Variants in CMTM4 observed in about 807,000 individuals in gnomAD.
CMTM4 encodes the protein CKLF-like MARVEL transmembrane domain-containing protein 4.
In CMTM4, 8 loss-of-function variants were observed where a neutral mutation model predicts 19.0. That is an observed-to-expected ratio of 0.42 (90% CI 0.25 to 0.76). The LOEUF is 0.76. Among genes scored for constraint, CMTM4 ranks in the 30% least tolerant of loss-of-function variants. The pLI is 0.27. For synonymous variants in CMTM4, 106 were observed against 121.1 expected (o/e 0.88, Z 0.82); for missense variants, 228 against 290.2 (o/e 0.79, Z 1.56).
chr16:66,602,020 T>C, the CMTM4 span, among the ~76,000 whole-genome samples: 1 of 152,338 alleles, frequency 6.6e-6, no homozygotes, highest in South Asian at 2.1e-4. Flanking sequence ...TGGGTGATGA[T>C]AGCAGCAGGT....
intron 1 of CMTM4, among the ~76,000 whole-genome samples, chr16:66,641,499 T>A (rs547387892): frequency 4.7e-4 from 72 of 152,346 alleles, no homozygotes; most frequent in African/African-American, 1.6e-3. Flanking sequence ...GCACTTCTTG[T>A]TTTTTATCAT....
At chr16:66,611,282 ATC>A, downstream of CMTM4, among the ~76,000 whole-genome samples, 1 of 152,178 alleles carries the variant, frequency 6.6e-6, no homozygotes, top group South Asian at 2.1e-4. Context: ...GTGAAACCCC[ATC>A]TCTACTAAAA....
At chr16:66,641,892 G>T (rs982072936) in intron 1 of CMTM4, among the ~76,000 whole-genome samples, 2 of 152,088 alleles carry the variant, frequency 1.3e-5, no homozygotes, top group African/African-American at 4.8e-5. Flanking sequence ...CTGCTAAATA[G>T]TGTTTCCACA....
At chr16:66,606,253 A>T in the CMTM4 span, among the ~76,000 whole-genome samples, 1 of 152,100 alleles carries the variant, frequency 6.6e-6, no homozygotes, top group African/African-American at 2.4e-5. Context: ...GATGGACAGA[A>T]ACAGAGAGAG....
intron 1 of CMTM4, among the ~76,000 whole-genome samples, chr16:66,691,040 C>A (rs2017125387): frequency 6.6e-6 from 1 of 152,096 alleles, no homozygotes; most frequent in Non-Finnish European, 1.5e-5. Context: ...TCCCTTGAGC[C>A]CAGAAGTTCG....
At chr16:66,612,279 G>C (rs543197950), downstream of CMTM4, among the ~76,000 whole-genome samples, 1 of 152,226 alleles carries the variant, frequency 6.6e-6, no homozygotes, top group South Asian at 2.1e-4. This position sits in a 1 kb window ranked among gnomAD's most constrained non-coding sequence, Gnocchi z 6.0. Flanking sequence ...GGTGGCACAC[G>C]CTTATAATCC....
chr16:66,694,731 A>C (rs917194834), intron 1 of CMTM4, among the ~76,000 whole-genome samples: 21 of 151,456 alleles, frequency 1.4e-4, no homozygotes, highest in African/African-American at 4.9e-4. Context: ...AAAAAAAAAA[A>C]AAAGGCAATT....
At chr16:66,609,615 C>T in the CMTM4 span, 1 of 1,518,434 alleles carries the variant, frequency 6.6e-7, no homozygotes, top group Non-Finnish European at 8.9e-7. This position sits in a 1 kb window ranked among gnomAD's most constrained non-coding sequence, Gnocchi z 4.4. Flanking sequence ...GAGCCTTTCC[C>T]TGCTGGGGCC....
At chr16:66,681,960 G>A (rs1452426250) in intron 1 of CMTM4, among the ~76,000 whole-genome samples, 1 of 152,132 alleles carries the variant, frequency 6.6e-6, no homozygotes, top group African/African-American at 2.4e-5. Context: ...ACAGCAATGT[G>A]CCCCTTTCCC....
chr16:66,614,770 A>G lies in CMTM4; in HGVS notation c.*7288T>C, dbSNP rs1228191168. ...CGACATCCTTACACGTCCATTTATT[A>G]AACAAGTTCCTTCATGACAATTTAA... On this transcript the variant is annotated 3_prime_UTR_variant, in exon 4 of 4. Coordinates refer to ENST00000394106, the MANE Select transcript of CMTM4 (RefSeq NM_181521.3). This position sits in a 1 kb window ranked among gnomAD's most constrained non-coding sequence, Gnocchi z 4.9. 2 of 152,246 alleles carry G rather than the reference A, an allele frequency of 1.3e-5. 1 individual carries two copies. The highest frequency in any genetic ancestry group is 4.8e-5 in the African/African-American group (2 of 41,466). The allele number at this position is 152,246 out of a possible 1,614,324, so 9.4% of individuals were successfully genotyped here.
chr16:66,641,758 T>C (rs2016100441), intron 1 of CMTM4, among the ~76,000 whole-genome samples: 1 of 152,182 alleles, frequency 6.6e-6, no homozygotes, highest in Non-Finnish European at 1.5e-5. Flanking sequence ...AACAAAAATA[T>C]ATGTAAAAGG....
At chr16:66,610,809 G>T, downstream of CMTM4, 1 of 398,662 alleles carries the variant, frequency 2.5e-6, no homozygotes, top group South Asian at 1.3e-4. This position sits in a 1 kb window ranked among gnomAD's most constrained non-coding sequence, Gnocchi z 4.6. Context: ...CCCTAGGCAG[G>T]ACCAGTAGGT....
chr16:66,633,142 T>TATAA (rs1226960224), intron 2 of CMTM4, among the ~76,000 whole-genome samples: 4 of 145,060 alleles, frequency 2.8e-5, no homozygotes, highest in African/African-American at 7.8e-5. Context: ...AATATATATA[T>TATAA]ATATCAAAGT....
the CMTM4 span, among the ~76,000 whole-genome samples, chr16:66,609,055 C>T: frequency 0.072 from 10,910 of 152,218 alleles, 463 homozygotes; most frequent in African/African-American, 0.12. The surrounding 1 kb of genome is among the most constrained non-coding windows in gnomAD (Gnocchi z 4.4). Context: ...ATGAATGGAT[C>T]GGCCACAAGA....
chr16:66,632,981 A>G (rs1293307505), intron 2 of CMTM4, among the ~76,000 whole-genome samples: 2 of 151,560 alleles, frequency 1.3e-5, no homozygotes, highest in African/African-American at 4.9e-5. Flanking sequence ...GCTACTCGGG[A>G]GGCTGAGGCA....
rs888319603 is a variant in CMTM4 at position 66,621,817 on chromosome 16, C to T, written c.*241G>A. The stretch of plus-strand genomic sequence containing the variant: ...CTGTGCTTCAGGGCAGGTAAGACCT[C>T]AAGTGGACCTGGGCAGTGACGCCGG... On this transcript the variant is annotated 3_prime_UTR_variant, in exon 4 of 4. Transcript: ENST00000394106. The T allele has an allele frequency of 7.4e-6, 10 of 1,356,042 alleles. No individual in the cohort carries two copies. The African/African-American group carries it at 1.5e-4, about 20-fold the overall frequency. 84.0% of individuals were successfully genotyped at this position (1,356,042 alleles called of 1,614,324 possible). A position where few individuals can be genotyped will look rare whatever the true frequency, so the allele number is the denominator to read the frequency against.
chr16:66,621,515 A>ACAGGACAT lies in CMTM4; in HGVS notation c.*535_*542dup, dbSNP rs2015634035. On this transcript the variant is annotated 3_prime_UTR_variant, in exon 4 of 4. Coordinates refer to ENST00000394106, the MANE Select transcript of CMTM4 (RefSeq NM_181521.3). The stretch of plus-strand genomic sequence containing the variant: ...TCAGAGGTCCCTGGGAGCCATCCTA[A>ACAGGACAT]CAGGACATCAGCTTTCCCCAGCCCT... 3.0e-6 allele frequency: 3 copies of ACAGGACAT among 986,342 alleles called. No homozygotes were observed. Among genetic ancestry groups the ACAGGACAT allele is most frequent in the Non-Finnish European group, 3.6e-6 (3 of 830,358 alleles). 61.1% of individuals were successfully genotyped at this position (986,342 alleles called of 1,614,324 possible).
Position 66,696,333 on chromosome 16 carries a change from C to T in CMTM4, c.186+7G>A. ...CTCGGGCACCTGGGGCCCCGCCCGGCACCTACCACTTGGGCGACCTTGAGG... is the reference window on the plus strand; with the variant it reads ...CTCGGGCACCTGGGGCCCCGCCCGGTACCTACCACTTGGGCGACCTTGAGG... On this transcript the variant is annotated splice_region_variant and intron_variant, in intron 1 of 3. Coordinates refer to ENST00000394106, the MANE Select transcript of CMTM4 (RefSeq NM_181521.3). This position sits in a 1 kb window ranked among gnomAD's most constrained non-coding sequence, Gnocchi z 4.3. The T allele has an allele frequency of 7.2e-7, 1 of 1,390,396 alleles. No homozygotes were observed. Among genetic ancestry groups the T allele is most frequent in the South Asian group, 1.5e-5 (1 of 67,106 alleles). 86.1% of individuals were successfully genotyped at this position (1,390,396 alleles called of 1,614,324 possible).
intron 1 of CMTM4, among the ~76,000 whole-genome samples, chr16:66,652,321 G>C (rs2016324774): frequency 6.6e-6 from 1 of 152,214 alleles, no homozygotes; most frequent in African/African-American, 2.4e-5. Context: ...TCCACTCTAA[G>C]TGGTGCTTAC....
Sources: allele counts gnomAD v4.1 joint callset (sites outside exome capture counted in the v4.1 genomes callset), GRCh38; gene constraint gnomAD v4.1.1; non-coding constraint Gnocchi (gnomAD v3.1); transcripts MANE v1.5; gene names NCBI Gene and HGNC (gene_info 2026-07-23, HGNC 2026-07-21).